The following DNAH8 variants were observed in gnomAD, a reference collection of about 807,000 sequenced individuals.
DNAH8 encodes the protein dynein axonemal heavy chain 8.
Under a neutral mutation model 562.1 loss-of-function variants are expected in DNAH8, and 382 were observed. The ratio of observed to expected loss-of-function variants is 0.68; its 90% confidence interval spans 0.63 to 0.74. The LOEUF is 0.74. Ranked by LOEUF, DNAH8 falls within the 30% of genes least tolerant of loss-of-function variation. DNAH8 has a pLI of 0.00. For missense variants in DNAH8, 5,203 were observed against 5,620.4 expected (o/e 0.93, Z 2.37); for synonymous variants, 1,881 against 1,919.4 (o/e 0.98, Z 0.52).
intron 44 of DNAH8, 144 bp downstream of exon 44, chr6:38,862,602 T>A (rs1422575034): frequency 1.0e-6 from 1 of 969,170 alleles, no homozygotes; most frequent in East Asian, 2.6e-5. Flanking sequence ...GCCATTTTTC[T>A]AGGTCAAAAA....
intron 47 of DNAH8, 35 bp from the exon 48 acceptor site, chr6:38,868,027 T>G (rs1409702187): frequency 6.3e-7 from 1 of 1,593,072 alleles, no homozygotes; most frequent in African/African-American, 1.4e-5. Context: ...AGTTTTTCAA[T>G]TAAACCATCT....
At chr6:38,803,789 T>C (rs1276469772) in intron 22 of DNAH8, among the ~76,000 whole-genome samples, 3 of 151,960 alleles carry the variant, frequency 2.0e-5, no homozygotes, top group Non-Finnish European at 4.4e-5. Context: ...TAGATCCTTC[T>C]CTGTGTAGAG....
At chr6:38,894,593 C>A in intron 58 of DNAH8, 108 bp from the exon 59 acceptor site, 1 of 892,688 alleles carries the variant, frequency 1.1e-6, no homozygotes, top group African/African-American at 1.7e-5. Context: ...GATTTATTTA[C>A]TCAGCAGATT....
In DNAH8 at chr6:38,870,008, T is replaced by C. The variant is rs551733506; in HGVS notation, c.6829-393T>C. 1.1e-3 allele frequency among the ~76,000 whole-genome samples: 161 copies of C among 152,254 alleles called. 1 individual carries two copies. The highest frequency in any genetic ancestry group is 2.5e-3 in the Admixed American group (39 of 15,298). ...CCTCACAATCATGCTGGGAGGTGAA[T>C]GAGGAGCAAAGTCACGTCTTTACAT... On this transcript the variant is annotated intron_variant, in intron 48 of 92. Transcript: ENST00000327475.
At chr6:38,782,926 CAT>C (rs1398359599) in intron 16 of DNAH8, 76 bp from the exon 17 acceptor site, 5 of 1,288,972 alleles carry the variant, frequency 3.9e-6, no homozygotes, top group Non-Finnish European at 5.4e-6. Flanking sequence ...TATCATTTTA[CAT>C]ATAAGTACTT....
rs143144686 is a variant in DNAH8, at chr6:38,965,410, G to A, written c.12452-6182G>A. On this transcript the variant is annotated intron_variant, in intron 82 of 92. Coordinates refer to ENST00000327475, the MANE Select transcript of DNAH8 (RefSeq NM_001206927.2). ...GGATTGTGGATTATGCATATTAAAA[G>A]GATTAGAATAAAGATCTCTAGGGAG... 3.0e-3 allele frequency among the ~76,000 whole-genome samples: 459 copies of A among 152,154 alleles called. 4 individuals are homozygous for A. The highest frequency in any genetic ancestry group is 0.01 in the African/African-American group (426 of 41,544).
chr6:38,909,856 T>C (rs2150527775), intron 65 of DNAH8, 112 bp downstream of exon 65: 6 of 873,724 alleles, frequency 6.9e-6, no homozygotes, highest in East Asian at 2.7e-5. Flanking sequence ...GCACGAGCTG[T>C]ATTTTTAGAT....
intron 83 of DNAH8, among the ~76,000 whole-genome samples, 174 bp from the exon 84 acceptor site, chr6:38,973,487 T>A (rs1403082045): frequency 6.6e-6 from 1 of 152,242 alleles, no homozygotes; most frequent in African/African-American, 2.4e-5. Context: ...GTAATTAGCT[T>A]GTACCAATTA....
chr6:39,020,423 C>A (rs1223049482), intron 91 of DNAH8, among the ~76,000 whole-genome samples: 3 of 152,158 alleles, frequency 2.0e-5, no homozygotes, highest in Admixed American at 6.5e-5. Context: ...ACCCAGGGAG[C>A]TTTTAACACA....
At chr6:38,797,589 A>T (rs1327477191) in intron 21 of DNAH8, among the ~76,000 whole-genome samples, 1 of 152,102 alleles carries the variant, frequency 6.6e-6, no homozygotes, top group African/African-American at 2.4e-5. Context: ...CTATGCTTCC[A>T]ATTCCAATTC....
chr6:38,808,281 T>C (rs1414499368), intron 24 of DNAH8, among the ~76,000 whole-genome samples: 1 of 152,156 alleles, frequency 6.6e-6, no homozygotes, highest in Non-Finnish European at 1.5e-5. Flanking sequence ...CTAAGGTATG[T>C]GCATGCCTCA....
chr6:38,786,371 G>A (rs575288995), intron 17 of DNAH8, among the ~76,000 whole-genome samples: 21 of 152,318 alleles, frequency 1.4e-4, no homozygotes, highest in Middle Eastern at 3.4e-3. Context: ...GTCTGAGTGG[G>A]AAAGAGTTTG....
At chr6:38,721,569 A>G (rs545233741) in intron 1 of DNAH8, among the ~76,000 whole-genome samples, 2 of 152,114 alleles carry the variant, frequency 1.3e-5, no homozygotes, top group Admixed American at 1.3e-4. Context: ...AGGGAAGGCT[A>G]AAAAAACCCT....
Position 38,866,459 on chromosome 6 carries a change from AAAC to A in DNAH8, c.6499-129_6499-127del, listed in dbSNP as rs1777039008. 4 of 642,250 alleles carry A rather than the reference AAAC, an allele frequency of 6.2e-6. No homozygotes were observed. The South Asian group carries it at 9.0e-5, about 14-fold the overall frequency. The allele number at this position is 642,250 out of a possible 1,614,324, so 39.8% of individuals were successfully genotyped here. On this transcript the variant is annotated intron_variant, in intron 45 of 92. Transcript: ENST00000327475. ...TGGTCTAATACATATTGTTTTGAGAAAACAAGAGTATTTTATGAATCTAATATT... is the reference window on the plus strand; with the variant it reads ...TGGTCTAATACATATTGTTTTGAGAAAAGAGTATTTTATGAATCTAATATT...
intron 75 of DNAH8, among the ~76,000 whole-genome samples, 162 bp from the exon 76 acceptor site, chr6:38,931,649 A>G (rs1272470891): frequency 3.3e-5 from 5 of 152,182 alleles, no homozygotes. Flanking sequence ...TCTAAATTGA[A>G]TAGGCTTTAT....
intron 26 of DNAH8, among the ~76,000 whole-genome samples, chr6:38,816,165 C>A (rs1163809769): frequency 6.6e-6 from 1 of 151,832 alleles, no homozygotes; most frequent in Non-Finnish European, 1.5e-5. Flanking sequence ...TTTGCTGCAC[C>A]TATCAACCCA....
intron 32 of DNAH8, among the ~76,000 whole-genome samples, chr6:38,836,301 G>A (rs1774287570): frequency 6.6e-6 from 1 of 152,048 alleles, no homozygotes. Flanking sequence ...TGCTAATGTA[G>A]CCAGGTATTG....
At chr6:38,850,034 T>G (rs1208871744) in intron 37 of DNAH8, among the ~76,000 whole-genome samples, 2 of 152,190 alleles carry the variant, frequency 1.3e-5, no homozygotes, top group African/African-American at 4.8e-5. Flanking sequence ...GCAATAAGCC[T>G]CATTGTGATA....
intron 85 of DNAH8, among the ~76,000 whole-genome samples, chr6:38,981,489 G>A (rs1039094672): frequency 6.6e-6 from 1 of 152,324 alleles, no homozygotes; most frequent in Admixed American, 6.5e-5. Flanking sequence ...CTTTGATTAA[G>A]TAGAGGGAAA....
Sources: allele counts gnomAD v4.1 joint callset (sites outside exome capture counted in the v4.1 genomes callset), GRCh38; gene constraint gnomAD v4.1.1; transcripts MANE v1.5; gene names NCBI Gene and HGNC (gene_info 2026-07-23, HGNC 2026-07-21).